The following CLUH variants were observed in gnomAD, a reference collection of about 807,000 sequenced individuals.
CLUH encodes the protein clustered mitochondria protein homolog.
In CLUH, 77 loss-of-function variants were observed where a neutral mutation model predicts 139.3. The observed-to-expected ratio is 0.55, with a 90% CI of 0.46 to 0.67. CLUH has a LOEUF of 0.67. Among genes scored for constraint, CLUH ranks in the 30% least tolerant of loss-of-function variants. CLUH has a pLI of 0.00. For missense variants in CLUH, 1,876 were observed against 1,875.8 expected (o/e 1.00, Z 0.00); for synonymous variants, 999 against 801.6 (o/e 1.25, Z -4.16).
At chr17:2,699,653 A>G (rs945514890) in intron 9 of CLUH, among the ~76,000 whole-genome samples, 1 of 142,414 alleles carries the variant, frequency 7.0e-6, no homozygotes, top group African/African-American at 2.6e-5. Flanking sequence ...TTTTTTTGAG[A>G]CGTAGTCTTG....
intron 16 of CLUH, 79 bp downstream of exon 16, chr17:2,694,778 T>C (rs955081188): frequency 3.4e-5 from 50 of 1,454,304 alleles, no homozygotes; most frequent in Non-Finnish European, 4.5e-5. Context: ...CCACAGGCCT[T>C]AGACGCCATC....
In CLUH at chr17:2,694,261, ACTC is replaced by A; in HGVS notation, c.2950_2952del (p.Glu984del). 6.3e-7 allele frequency: 1 copy of A among 1,597,238 alleles called. No homozygotes were observed. Among genetic ancestry groups the A allele is most frequent in the Non-Finnish European group, 8.5e-7 (1 of 1,170,700 alleles). On this transcript the variant is annotated inframe_deletion, in exon 18 of 26. Coordinates refer to ENST00000651024, the MANE Select transcript of CLUH (RefSeq NM_001366661.1). ...GGCTTGTGGCGACTGTCGAAGCTGT[ACTC>A]CTTCAGCAGGACCTGGGGGGCAGCC... is the stretch of plus-strand genomic sequence containing the variant.
In CLUH at chr17:2,690,760, T is replaced by G. The variant is rs1241194041; in HGVS notation, c.3881A>C (p.Asn1294Thr). The change falls in exon 26 of 26, where the codon AAT becomes ACT. Residue 1294 changes from asparagine (N) to threonine (T), a missense_variant. By Grantham distance (65) the Asn-to-Thr change is moderately conservative. Transcript: ENST00000651024. ...CCGCCGCGCCACCTCGGCTTTCAGA[T>G]TCTCCAGGTCTTTTTGGCTGAGGAT... ...FIPLSQKDLE[N>T]LKAEVARRHQ... The G allele has an allele frequency of 2.0e-6, 3 of 1,523,198 alleles. No homozygotes were observed. The Admixed American group carries it at 6.9e-5, about 35-fold the overall frequency. 94.4% of individuals were successfully genotyped at this position (1,523,198 alleles called of 1,614,324 possible).
rs925387768 is a variant in CLUH, at chr17:2,691,618, A to G, written c.3854T>C (p.Ile1285Thr). 1 of 1,612,274 alleles carries G rather than the reference A, an allele frequency of 6.2e-7. No homozygotes were observed. The highest frequency in any genetic ancestry group is 8.5e-7 in the Non-Finnish European group (1 of 1,179,176). Residue 1285 changes from isoleucine (I) to threonine (T), a missense_variant, in exon 25 of 26, where the codon ATT becomes ACT. By Grantham distance (89) the Ile-to-Thr change is moderately conservative (BLOSUM62 -1). This residue lies in a region of CLUH where 1,454 missense variants were observed against 1,384.4 expected (regional missense o/e 1.05). Transcript: ENST00000651024. Reference protein sequence around the residue: ...QLNVINGILFIPLSQKDLENL... With the variant: ...QLNVINGILFTPLSQKDLENL... ...GGGGCGGAGGCCTCACCTGAGAGGA[A>G]TGAAGAGGATGCCGTTAATGACGTT...
Position 2,690,387 on chromosome 17 carries a change from C to CG in CLUH, c.*206_*207insC. On this transcript the variant is annotated 3_prime_UTR_variant, in exon 26 of 26. Coordinates refer to ENST00000651024, the MANE Select transcript of CLUH (RefSeq NM_001366661.1). ...CATTCACGTGTCTCCAATGGGGCCT[C>CG]TGCATCATCTATTCATTGAACCAGC... 2 of 445,356 alleles carry CG rather than the reference C, an allele frequency of 4.5e-6. No homozygotes were observed. Among genetic ancestry groups the CG allele is most frequent in the Non-Finnish European group, 7.8e-6 (2 of 255,214 alleles). The allele number at this position is 445,356 out of a possible 1,614,324, so 27.6% of individuals were successfully genotyped here.
intron 9 of CLUH, 91 bp from the exon 10 acceptor site, chr17:2,698,681 C>T (rs962610240): frequency 7.4e-6 from 9 of 1,211,966 alleles, no homozygotes; most frequent in Non-Finnish European, 1.0e-5. Flanking sequence ...ACCGCGGAGG[C>T]AACCGGGCCT....
chr17:2,693,614 C>T (rs1597600505), intron 19 of CLUH, among the ~76,000 whole-genome samples: 6 of 147,442 alleles, frequency 4.1e-5, no homozygotes, highest in Admixed American at 4.0e-4. Flanking sequence ...AGCTCGGTGG[C>T]ATGCTTCCTG....
Position 2,711,730 on chromosome 17 carries a change from C to T in CLUH, c.-69G>A. 4 of 644,350 alleles carry T rather than the reference C, an allele frequency of 6.2e-6. No individual in the cohort carries two copies. The highest frequency in any genetic ancestry group is 7.7e-6 in the Non-Finnish European group (4 of 518,558). 39.9% of individuals were successfully genotyped at this position (644,350 alleles called of 1,614,324 possible). On this transcript the variant is annotated 5_prime_UTR_variant, in exon 1 of 26. Coordinates refer to ENST00000651024, the MANE Select transcript of CLUH (RefSeq NM_001366661.1). ...CCGCGCCACTAACCCAAGTGCCCTG[C>T]GCGCCGCGGCTGCTGAGGGAAGGAC... is the stretch of plus-strand genomic sequence containing the variant.
Position 2,704,485 on chromosome 17 carries a change from C to A in CLUH, c.180G>T (p.Arg60Ser). The change falls in exon 2 of 26, where the codon AGG (arginine) becomes AGT (serine). Residue 60 changes from arginine (R) to serine (S), a missense_variant. Arg to Ser is a moderately radical substitution (Grantham distance 110). Around this residue, in one of 3 missense-constraint regions of CLUH, gnomAD observed 152 missense variants for 136.7 expected, o/e 1.11. Coordinates refer to ENST00000651024, the MANE Select transcript of CLUH (RefSeq NM_001366661.1). The surrounding 1 kb of genome is among the most constrained non-coding windows in gnomAD (Gnocchi z 5.7). ...GGCCGGCCTCGTCAAGCCCATTTTC[C>A]CTGGGTGGCTCGGCCGCCGCCGCCT... is the stretch of plus-strand genomic sequence containing the variant. ...KKEAAAAEPPRENGLDEAGPG... is the reference protein window; with the variant it reads ...KKEAAAAEPPSENGLDEAGPG... The A allele has an allele frequency of 6.3e-7, 1 of 1,595,658 alleles. No homozygotes were observed.
rs777736684 is a variant in CLUH at position 2,691,960 on chromosome 17, CGCCCCCGCCCCGCCCCCGCCCCCGCCA to C, written c.3654+17_3654+43del. 0.072 allele frequency: 52,419 copies of C among 730,228 alleles called. 4,509 individuals are homozygous for C. Among genetic ancestry groups the C allele is most frequent in the East Asian group, 0.26 (4,668 of 18,286 alleles). The allele number at this position is 730,228 out of a possible 1,614,324, so 45.2% of individuals were successfully genotyped here. A position where few individuals can be genotyped will look rare whatever the true frequency, so the allele number is the denominator to read the frequency against. On this transcript the variant is annotated intron_variant, in intron 23 of 25. Coordinates refer to ENST00000651024, the MANE Select transcript of CLUH (RefSeq NM_001366661.1). Reference sequence around the variant, plus strand: ...CCGCGGCCCCGCCCCCGCCCCGCCACGCCCCCGCCCCGCCCCCGCCCCCGCCACGCCCCCGCCGCGCACCTGCGTCTT... The same window carrying C: ...CCGCGGCCCCGCCCCCGCCCCGCCACCGCCCCCGCCGCGCACCTGCGTCTT...
rs935158733 is a variant in CLUH, at chr17:2,704,601, T to G, written c.101-37A>C. 6.0e-6 allele frequency: 9 copies of G among 1,511,392 alleles called. No homozygotes were observed. The highest frequency in any genetic ancestry group is 8.0e-6 in the Non-Finnish European group (9 of 1,125,452). The allele number at this position is 1,511,392 out of a possible 1,614,324, so 93.6% of individuals were successfully genotyped here. On this transcript the variant is annotated intron_variant, in intron 1 of 25. Transcript: ENST00000651024. The surrounding 1 kb of genome is among the most constrained non-coding windows in gnomAD (Gnocchi z 5.7). ...AAGAACGGGTCAGAATCAGGCAGCC[T>G]CGCTGGTCGGCGGGGCTGTCCGCCT... is the stretch of plus-strand genomic sequence containing the variant.
chr17:2,703,800 G>A lies in CLUH; in HGVS notation c.304-311C>T, dbSNP rs1036979264. 7.9e-5 allele frequency among the ~76,000 whole-genome samples: 12 copies of A among 152,084 alleles called. No homozygotes were observed. The highest frequency in any genetic ancestry group is 1.4e-4 in the African/African-American group (6 of 41,380). ...GCAGAGAAGGGAGATGAAGAACAGC[G>A]GGACAGAAGACGGCAGGCTCGCCCC... is the stretch of plus-strand genomic sequence containing the variant. On this transcript the variant is annotated intron_variant, in intron 2 of 25. Coordinates refer to ENST00000651024, the MANE Select transcript of CLUH (RefSeq NM_001366661.1). The surrounding 1 kb of genome is among the most constrained non-coding windows in gnomAD (Gnocchi z 4.2).
chr17:2,691,186 G>A (rs1469305609), intron 25 of CLUH, among the ~76,000 whole-genome samples: 2 of 152,108 alleles, frequency 1.3e-5, no homozygotes, highest in East Asian at 3.9e-4. Context: ...GCTTCTTAGG[G>A]ACTGGTGGGA....
rs1468213638 is a variant in CLUH, at chr17:2,692,629, G to A, written c.3380C>T (p.Ala1127Val). The change falls in exon 21 of 26, where the codon GCC becomes GTC. Residue 1127 changes from alanine to valine, a missense_variant. By Grantham distance (64) the Ala-to-Val change is moderately conservative. Transcript: ENST00000651024. Reference sequence around the variant, plus strand: ...GAACACCAGCAGCATGAGGTAGCGGGCGCGGTACAGCAGGCTCAGGGCGGT... The same window carrying A: ...GAACACCAGCAGCATGAGGTAGCGGACGCGGTACAGCAGGCTCAGGGCGGT... ...LSTALSLLYRARYLMLLVFGE... is the reference protein window; with the variant it reads ...LSTALSLLYRVRYLMLLVFGE... 2 of 1,612,800 alleles carry A rather than the reference G, an allele frequency of 1.2e-6. No individual in the cohort carries two copies. The highest frequency in any genetic ancestry group is 1.1e-5 in the South Asian group (1 of 91,084).
intron 25 of CLUH, 137 bp downstream of exon 25, chr17:2,691,472 G>A: frequency 3.6e-6 from 3 of 823,186 alleles, no homozygotes; most frequent in East Asian, 2.7e-5. Flanking sequence ...TGAGGCAGGA[G>A]AATCGCTGAA....
At chr17:2,693,810 T>G in intron 19 of CLUH, 90 bp downstream of exon 19, 2 of 1,477,008 alleles carry the variant, frequency 1.4e-6, no homozygotes, top group Non-Finnish European at 9.1e-7. Context: ...GGGGTCTCCC[T>G]GGACTCCACC....
chr17:2,701,824 C>G, intron 4 of CLUH, 87 bp from the exon 5 acceptor site: 1 of 1,580,394 alleles, frequency 6.3e-7, no homozygotes, highest in Non-Finnish European at 8.6e-7. Flanking sequence ...CCGGGTGCCT[C>G]AGGCCCAGGC....
chr17:2,695,727 C>T (rs1020347463), intron 13 of CLUH: 3 of 686,416 alleles, frequency 4.4e-6, no homozygotes, highest in South Asian at 1.9e-5. Context: ...GTACAGGCCC[C>T]CTCTAACCAT....
Position 2,703,728 on chromosome 17 carries a change from G to A in CLUH, c.304-239C>T, listed in dbSNP as rs578179971. On this transcript the variant is annotated intron_variant, in intron 2 of 25. Coordinates refer to ENST00000651024, the MANE Select transcript of CLUH (RefSeq NM_001366661.1). The surrounding 1 kb of genome is among the most constrained non-coding windows in gnomAD (Gnocchi z 4.2). The stretch of plus-strand genomic sequence containing the variant: ...ATGCCATGCCCTGTGTGTGCAGCCT[G>A]GAGCCTGGCCCACCGACTCGGCCTG... Among the ~76,000 whole-genome samples the A allele has an allele frequency of 6.6e-6, 1 of 152,274 alleles. No individual in the cohort carries two copies. Among genetic ancestry groups the A allele is most frequent in the East Asian group, 1.9e-4 (1 of 5,174 alleles).
Sources: allele counts gnomAD v4.1 joint callset (sites outside exome capture counted in the v4.1 genomes callset), GRCh38; gene constraint gnomAD v4.1.1; regional missense constraint gnomAD v4.1.1; non-coding constraint Gnocchi (gnomAD v3.1); transcripts MANE v1.5; gene names NCBI Gene and HGNC (gene_info 2026-07-23, HGNC 2026-07-21).